Variants in THSD4 observed in about 807,000 individuals in gnomAD.
THSD4 encodes thrombospondin type 1 domain containing 4.
THSD4 carries 69 observed loss-of-function variants against 119.0 expected under a neutral mutation model. The ratio of observed to expected loss-of-function variants is 0.58; its 90% CI spans 0.48 to 0.71. THSD4 has a LOEUF of 0.71. Ranked by LOEUF, THSD4 falls within the 30% of genes least tolerant of loss-of-function variation. The pLI is 0.00. For missense variants in THSD4, 1,393 were observed against 1,391.1 expected, an observed-to-expected ratio of 1.00 and a Z score of -0.02; for synonymous variants, 524 against 540.4, an observed-to-expected ratio of 0.97 and a Z score of 0.42.
At chr15:71,383,966 A>G (rs1159232763) in intron 6 of THSD4, among the ~76,000 whole-genome samples, 1 of 152,220 alleles carries the variant, frequency 6.6e-6, no homozygotes, top group Non-Finnish European at 1.5e-5. Flanking sequence ...GTGGATATTG[A>G]GGAATGACTG....
chr15:71,441,552 C>T (rs2047091584), intron 7 of THSD4, among the ~76,000 whole-genome samples: 1 of 150,982 alleles, frequency 6.6e-6, no homozygotes. Flanking sequence ...TGCGCCACCA[C>T]ACCAGCTAAT....
chr15:71,356,087 C>T (rs572010098), intron 6 of THSD4, among the ~76,000 whole-genome samples: 3 of 152,214 alleles, frequency 2.0e-5, no homozygotes, highest in South Asian at 2.1e-4. Flanking sequence ...AAACTGGTCT[C>T]GAACTCCTGA....
At chr15:71,412,948 A>G (rs904712565) in intron 7 of THSD4, among the ~76,000 whole-genome samples, 7 of 152,142 alleles carry the variant, frequency 4.6e-5, no homozygotes, top group African/African-American at 1.4e-4. Context: ...CCGTCACCTC[A>G]AGTTTTTAGC....
chr15:71,213,034 G>T (rs757148750), intron 3 of THSD4, among the ~76,000 whole-genome samples: 1 of 152,192 alleles, frequency 6.6e-6, no homozygotes, highest in Non-Finnish European at 1.5e-5. Context: ...CTGCCATAAT[G>T]AATTACCACA....
At chr15:71,662,150 G>T (rs2051322420) in intron 8 of THSD4, among the ~76,000 whole-genome samples, 1 of 152,138 alleles carries the variant, frequency 6.6e-6, no homozygotes, top group Non-Finnish European at 1.5e-5. Flanking sequence ...TATTAAGTCT[G>T]CAACTTTCAA....
At chr15:71,407,596 A>T (rs533598484) in intron 6 of THSD4, among the ~76,000 whole-genome samples, 8 of 148,430 alleles carry the variant, frequency 5.4e-5, no homozygotes, top group South Asian at 2.1e-4. Context: ...AGTCACCAGC[A>T]TTTTTTTTTT....
chr15:71,404,406 A>G (rs1686972180), intron 6 of THSD4, among the ~76,000 whole-genome samples: 7 of 152,234 alleles, frequency 4.6e-5, no homozygotes, highest in Admixed American at 4.6e-4. Flanking sequence ...TCAATGTTAT[A>G]GCATATATCC....
intron 3 of THSD4, among the ~76,000 whole-genome samples, chr15:71,170,896 G>A (rs532041253): frequency 1.3e-5 from 2 of 152,156 alleles, no homozygotes; most frequent in East Asian, 3.9e-4. Flanking sequence ...GATCTGAGAT[G>A]AAAAATATAC....
chr15:71,761,989 AG>A (rs1356501678), intron 15 of THSD4, among the ~76,000 whole-genome samples: 2 of 152,122 alleles, frequency 1.3e-5, no homozygotes, highest in Non-Finnish European at 2.9e-5. Flanking sequence ...GAAGCACATG[AG>A]TTTTGCTAGA....
intron 8 of THSD4, among the ~76,000 whole-genome samples, chr15:71,715,232 T>G (rs1394566954): frequency 6.6e-6 from 1 of 152,222 alleles, no homozygotes; most frequent in Non-Finnish European, 1.5e-5. Flanking sequence ...TTAGCATCTA[T>G]GTACATCCTG....
Position 71,570,870 on chromosome 15 carries a change from C to T in THSD4, c.1153-89660C>T, listed in dbSNP as rs1158372663. On this transcript the variant is annotated intron_variant, in intron 7 of 17. Coordinates refer to ENST00000261862, the MANE Select transcript of THSD4 (RefSeq NM_024817.3). ...TGACAGCCTGTTCATCTCTGGGTGT[C>T]TGTGGCTCCAGGCAGTTTCCCAGAC... Among the ~76,000 whole-genome samples the T allele has an allele frequency of 3.3e-5, 5 of 152,234 alleles. No individual in the cohort carries two copies. In the East Asian group the frequency reaches 9.7e-4, roughly 29 times the overall value.
intron 6 of THSD4, among the ~76,000 whole-genome samples, chr15:71,289,267 G>A (rs573780156): frequency 6.6e-6 from 1 of 152,284 alleles, no homozygotes; most frequent in South Asian, 2.1e-4. Context: ...AGGAGGGTAG[G>A]GAGGTGGCAC....
intron 11 of THSD4, among the ~76,000 whole-genome samples, chr15:71,743,909 A>T (rs2053282929): frequency 1.3e-5 from 2 of 152,220 alleles, no homozygotes; most frequent in Admixed American, 1.3e-4. Flanking sequence ...GAAAATATGA[A>T]TGCCTGGCCA....
At chr15:71,405,581 C>T (rs572985789) in intron 6 of THSD4, among the ~76,000 whole-genome samples, 9 of 152,312 alleles carry the variant, frequency 5.9e-5, no homozygotes, top group Non-Finnish European at 7.4e-5. Flanking sequence ...ACCACACTTA[C>T]TGTTGATTCG....
At chr15:71,159,966 G>T (rs1037936462) in intron 3 of THSD4, among the ~76,000 whole-genome samples, 1 of 151,860 alleles carries the variant, frequency 6.6e-6, no homozygotes, top group African/African-American at 2.4e-5. Flanking sequence ...TGTCATATAC[G>T]ACCTTTATTG....
intron 6 of THSD4, among the ~76,000 whole-genome samples, chr15:71,346,518 C>T (rs141859625): frequency 7.5e-4 from 115 of 152,318 alleles, no homozygotes; most frequent in South Asian, 1.4e-3. Context: ...TTTTTTGACA[C>T]ATCTCCATCA....
chr15:71,734,436 C>T (rs957403154), intron 10 of THSD4, among the ~76,000 whole-genome samples: 2 of 152,090 alleles, frequency 1.3e-5, no homozygotes, highest in Non-Finnish European at 2.9e-5. Flanking sequence ...ATATGACATT[C>T]TAGAAAAGTT....
chr15:71,758,276 T>A (rs1026686097), intron 15 of THSD4, among the ~76,000 whole-genome samples: 2 of 152,240 alleles, frequency 1.3e-5, no homozygotes, highest in Admixed American at 1.3e-4. Context: ...TACGGTGTGC[T>A]CATCTAAGTA....
At chr15:71,467,736 A>G (rs569527200) in intron 7 of THSD4, among the ~76,000 whole-genome samples, 2 of 152,168 alleles carry the variant, frequency 1.3e-5, no homozygotes, top group Non-Finnish European at 2.9e-5. Flanking sequence ...TAGCTTCCAT[A>G]ATTCCCATGT....
Sources: allele counts gnomAD v4.1 joint callset (sites outside exome capture counted in the v4.1 genomes callset), GRCh38; gene constraint gnomAD v4.1.1; transcripts MANE v1.5; gene names NCBI Gene and HGNC (gene_info 2026-07-23, HGNC 2026-07-21).